The following SLC6A9 variants were observed in gnomAD, a reference collection of about 807,000 sequenced individuals.
SLC6A9 encodes solute carrier family 6 member 9.
SLC6A9 carries 31 observed loss-of-function variants against 70.9 expected under a neutral mutation model. The ratio of observed to expected loss-of-function variants is 0.44; its 90% CI spans 0.33 to 0.59. The LOEUF (loss-of-function observed/expected upper bound fraction) is 0.59, where lower values mean the gene tolerates loss of function less well. Among genes scored for constraint, SLC6A9 ranks in the 20% least tolerant of loss-of-function variants. The probability of loss-of-function intolerance (pLI) is 0.04; values close to 1 mark genes in which losing one functional copy is unlikely to be tolerated. For synonymous variants in SLC6A9, 310 were observed against 341.3 expected, an observed-to-expected ratio of 0.91 and a Z score of 1.01; for missense variants, 631 against 845.2, an observed-to-expected ratio of 0.75 and a Z score of 3.14.
chr1:43,997,862 AG>A lies in SLC6A9; in HGVS notation c.1699del (p.Leu567SerfsTer5), dbSNP rs1356306586. On this transcript the variant is annotated frameshift_variant, in exon 13 of 14. Transcript: ENST00000372310. LOFTEE classifies it high-confidence loss of function. This position sits in a 1 kb window ranked among gnomAD's most constrained non-coding sequence, Gnocchi z 4.4. ...FRLCRTDGDTLLQRLKNATKP... is the reference protein window; with the variant it reads ...FRLCRTDGDTXLQRLKNATKP... ...GCCTGTCCCTGCCCTCACCTGGAGG[AG>A]GGTGTCCCCGTCTGTGCGGCAGAGC... 1 of 1,608,020 alleles carries A rather than the reference AG, an allele frequency of 6.2e-7. No homozygotes were observed. Among genetic ancestry groups the A allele is most frequent in the Non-Finnish European group, 8.5e-7 (1 of 1,176,110 alleles).
chr1:44,022,616 A>T (rs749482942), intron 2 of SLC6A9, among the ~76,000 whole-genome samples: 6 of 151,414 alleles, frequency 4.0e-5, no homozygotes, highest in African/African-American at 1.2e-4. Context: ...TGGATGCTGG[A>T]GGTTCAGAAC....
intron 2 of SLC6A9, among the ~76,000 whole-genome samples, chr1:44,019,433 G>A (rs901884272): frequency 1.3e-5 from 2 of 152,254 alleles, no homozygotes; most frequent in African/African-American, 4.8e-5. Context: ...CCAGCCTCAT[G>A]CGCCTGGTCC....
rs549433039 is a variant in SLC6A9 at position 44,005,556 on chromosome 1, C to T, written c.591-2571G>A. ...GTCATTGGAGAGTGTGGACTAAACACCTGCACAGCCACCCCCACCTAATTC... is the reference window on the plus strand; with the variant it reads ...GTCATTGGAGAGTGTGGACTAAACATCTGCACAGCCACCCCCACCTAATTC... On this transcript the variant is annotated intron_variant, in intron 5 of 13. Coordinates refer to ENST00000372310, the MANE Select transcript of SLC6A9 (RefSeq NM_001024845.3). 2.2e-4 allele frequency among the ~76,000 whole-genome samples: 34 copies of T among 152,284 alleles called. No individual in the cohort carries two copies. The South Asian group carries it at 6.4e-3, about 29-fold the overall frequency.
intron 4 of SLC6A9, 82 bp from the exon 5 acceptor site, chr1:44,008,705 CTTTTCT>C: frequency 2.7e-6 from 3 of 1,131,568 alleles, no homozygotes; most frequent in Non-Finnish European, 3.7e-6. Flanking sequence ...TTTTTCTTTT[CTTTTCT>C]TTTTTTTTTT....
At chr1:44,001,114 C>A (rs201260952) in intron 10 of SLC6A9, 50 bp downstream of exon 10, 6 of 1,613,246 alleles carry the variant, frequency 3.7e-6, no homozygotes, top group East Asian at 2.2e-5. Flanking sequence ...CAACCCTTCC[C>A]TGCACGTCCT....
rs909442000 is a variant in SLC6A9 at position 44,013,537 on chromosome 1, A to G, written c.31-2655T>C. 6.6e-6 allele frequency among the ~76,000 whole-genome samples: 1 copy of G among 152,224 alleles called. No individual in the cohort carries two copies. Among genetic ancestry groups the G allele is most frequent in the African/African-American group, 2.4e-5 (1 of 41,460 alleles). On this transcript the variant is annotated intron_variant, in intron 2 of 13. Transcript: ENST00000372310. The surrounding 1 kb of genome is among the most constrained non-coding windows in gnomAD (Gnocchi z 5.3). ...GGGGCTCTGGCAGGAAGTTTCTGAC[A>G]ACACTAAAGGTCTGCTGTATGCAGA...
chr1:44,016,306 C>T (rs1282426843), intron 2 of SLC6A9: 1 of 152,558 alleles, frequency 6.6e-6, no homozygotes, highest in Non-Finnish European at 1.5e-5. Flanking sequence ...GTTCTTGACC[C>T]TAGCAGTACT....
intron 5 of SLC6A9, among the ~76,000 whole-genome samples, chr1:44,006,862 C>A (rs1364585421): frequency 1.3e-5 from 2 of 152,150 alleles, no homozygotes; most frequent in Non-Finnish European, 2.9e-5. Flanking sequence ...AAGCTGAGTC[C>A]TTCAGGGTCA....
At chr1:44,029,710 C>A (rs916247471) in intron 1 of SLC6A9, among the ~76,000 whole-genome samples, 13 of 152,280 alleles carry the variant, frequency 8.5e-5, no homozygotes, top group African/African-American at 3.1e-4. Context: ...AGGCGTGATT[C>A]TTCTGTGTCC....
chr1:44,017,268 C>T (rs201246591), intron 2 of SLC6A9: 352 of 1,498,368 alleles, frequency 2.3e-4, no homozygotes, highest in African/African-American at 1.2e-3. Flanking sequence ...CCTGCCCCTC[C>T]GGCCAGTCCC....
chr1:44,022,753 C>A (rs2086911428), intron 2 of SLC6A9, among the ~76,000 whole-genome samples: 1 of 127,668 alleles, frequency 7.8e-6, no homozygotes, highest in South Asian at 2.5e-4. Flanking sequence ...GAGCCCTGCT[C>A]TATTGCCCAG....
chr1:44,003,304 C>T (rs994979420), intron 5 of SLC6A9, among the ~76,000 whole-genome samples: 3 of 152,378 alleles, frequency 2.0e-5, no homozygotes. Context: ...CCCAGTTGGG[C>T]TCAGCCCAGG....
intron 1 of SLC6A9, among the ~76,000 whole-genome samples, chr1:44,031,021 C>G (rs1173534581): frequency 1.3e-5 from 2 of 151,978 alleles, no homozygotes; most frequent in Admixed American, 6.5e-5. Flanking sequence ...GGAGCTCCCC[C>G]CACTTCCCTC....
intron 5 of SLC6A9, among the ~76,000 whole-genome samples, chr1:44,007,034 T>A (rs1001474584): frequency 2.6e-5 from 4 of 152,160 alleles, no homozygotes; most frequent in Non-Finnish European, 5.9e-5. Context: ...GCCTCTTCTG[T>A]CTTGTCACTC....
chr1:44,019,883 T>C (rs533761415), intron 2 of SLC6A9, among the ~76,000 whole-genome samples: 1,871 of 98,236 alleles, frequency 0.019, 37 homozygotes, highest in African/African-American at 0.066. Flanking sequence ...GTGCCGGGGA[T>C]GGGGGAGGGC....
At chr1:44,007,891 T>C (rs1352162923) in intron 5 of SLC6A9, among the ~76,000 whole-genome samples, 3 of 100,674 alleles carry the variant, frequency 3.0e-5, no homozygotes, top group Non-Finnish European at 5.5e-5. Context: ...TTGCTTTCTT[T>C]CTTTTTTTTT....
chr1:44,024,909 C>T (rs192852208), intron 1 of SLC6A9, among the ~76,000 whole-genome samples: 1 of 152,368 alleles, frequency 6.6e-6, no homozygotes, highest in East Asian at 1.9e-4. Context: ...GTCCCCTCCA[C>T]AGCAGTTCAC....
chr1:44,003,961 C>A (rs919789741), intron 5 of SLC6A9, among the ~76,000 whole-genome samples: 1 of 151,972 alleles, frequency 6.6e-6, no homozygotes, highest in Non-Finnish European at 1.5e-5. Context: ...ACCTCCAGCA[C>A]CAGCATTCAA....
In SLC6A9 at chr1:44,002,346, G is replaced by A. The variant is rs2086144660; in HGVS notation, c.929C>T (p.Ala310Val). The A allele has an allele frequency of 1.2e-6, 2 of 1,613,882 alleles. No individual in the cohort carries two copies. The highest frequency in any genetic ancestry group is 1.3e-5 in the African/African-American group (1 of 74,912). ...GCAWGGLITM[A>V]SYNKFHNNCY... ...GTTATTGTGGAACTTGTTGTAGGAA[G>A]CCATGGTGATGAGGCCTCCCCACGC... The change falls in exon 8 of 14, where the codon GCT becomes GTT. Residue 310 changes from alanine to valine, a missense_variant. Coordinates refer to ENST00000372310, the MANE Select transcript of SLC6A9 (RefSeq NM_001024845.3). This position sits in a 1 kb window ranked among gnomAD's most constrained non-coding sequence, Gnocchi z 5.5.
Sources: gnomAD v4.1 joint callset for allele counts (sites outside exome capture counted in the v4.1 genomes callset) on GRCh38, gnomAD v4.1.1 for gene constraint, Gnocchi (gnomAD v3.1) non-coding constraint, MANE v1.5 for transcripts, NCBI Gene and HGNC (gene_info 2026-07-23, HGNC 2026-07-21) for gene names.